Variants in MTHFD1L observed in about 807,000 individuals in gnomAD.
The protein encoded by MTHFD1L is monofunctional C1-tetrahydrofolate synthase, mitochondrial.
A neutral mutation model predicts 119.5 loss-of-function variants in MTHFD1L; 81 were observed. The observed-to-expected ratio is 0.68, with a 90% confidence interval of 0.57 to 0.82. MTHFD1L has a LOEUF of 0.82. Ranked by LOEUF, MTHFD1L falls within the 40% of genes least tolerant of loss-of-function variation. The pLI, the probability that MTHFD1L is intolerant of heterozygous loss-of-function variation, is 0.00. For synonymous variants in MTHFD1L, 430 were observed against 475.2 expected (o/e 0.90, Z 1.24); for missense variants, 1,125 against 1,253.4 (o/e 0.90, Z 1.55).
intron 10 of MTHFD1L, among the ~76,000 whole-genome samples, chr6:150,925,497 T>C (rs905202956): frequency 1.8e-4 from 27 of 152,150 alleles, no homozygotes; most frequent in African/African-American, 6.3e-4. Flanking sequence ...TTCCTACAAT[T>C]TCCTGTCTGA....
At chr6:150,882,511 A>G (rs1004712743) in intron 4 of MTHFD1L, among the ~76,000 whole-genome samples, 12 of 152,196 alleles carry the variant, frequency 7.9e-5, no homozygotes, top group African/African-American at 2.9e-4. Flanking sequence ...GAGTAGAGCC[A>G]TAGAAAGGCA....
intron 16 of MTHFD1L, among the ~76,000 whole-genome samples, chr6:150,951,159 C>G (rs939676676): frequency 6.6e-6 from 1 of 151,202 alleles, no homozygotes; most frequent in East Asian, 2.0e-4. Context: ...GCCTCAGCCT[C>G]CTGAGTAGCT....
chr6:150,916,555 C>G (rs530198083), intron 8 of MTHFD1L, among the ~76,000 whole-genome samples: 2 of 138,950 alleles, frequency 1.4e-5, no homozygotes, highest in Admixed American at 1.5e-4. Context: ...TCTCAAACTC[C>G]TGACCTCAGG....
chr6:151,077,461 G>A (rs912466798), intron 26 of MTHFD1L, among the ~76,000 whole-genome samples: 3 of 152,026 alleles, frequency 2.0e-5, no homozygotes, highest in Non-Finnish European at 4.4e-5. Context: ...TGGTCAACCT[G>A]ATGAAACCCC....
At chr6:150,932,137 G>T (rs1455220341) in intron 11 of MTHFD1L, among the ~76,000 whole-genome samples, 1 of 135,300 alleles carries the variant, frequency 7.4e-6, no homozygotes, top group Non-Finnish European at 1.5e-5. Flanking sequence ...AGTCCAGCCT[G>T]GGCAACAGAG....
At chr6:150,921,269 G>A (rs189114367) in intron 9 of MTHFD1L, among the ~76,000 whole-genome samples, 3 of 150,916 alleles carry the variant, frequency 2.0e-5, no homozygotes, top group African/African-American at 2.4e-5. Context: ...ACAGGCGTGT[G>A]CCACCACACC....
intron 1 of MTHFD1L, among the ~76,000 whole-genome samples, chr6:150,869,762 G>C (rs1198391699): frequency 6.6e-6 from 1 of 152,174 alleles, no homozygotes; most frequent in Non-Finnish European, 1.5e-5. Flanking sequence ...GTGTCAGCTA[G>C]AAGTCACCTG....
intron 13 of MTHFD1L, 152 bp downstream of exon 13, chr6:150,938,897 AGTGAC>A: frequency 2.5e-6 from 2 of 801,574 alleles, no homozygotes; most frequent in Non-Finnish European, 2.1e-6. Flanking sequence ...TAACTCATGC[AGTGAC>A]AAACCCTAGT....
intron 17 of MTHFD1L, among the ~76,000 whole-genome samples, chr6:150,960,006 G>C (rs983659546): frequency 1.3e-5 from 2 of 152,204 alleles, no homozygotes; most frequent in African/African-American, 4.8e-5. Flanking sequence ...GCTGTGAGCG[G>C]GTGTAACAGG....
chr6:150,910,099 T>G (rs1438013753), intron 8 of MTHFD1L, among the ~76,000 whole-genome samples: 1 of 151,660 alleles, frequency 6.6e-6, no homozygotes, highest in African/African-American at 2.4e-5. Flanking sequence ...GAGAATCGCT[T>G]GAATCCAAGA....
chr6:150,965,388 C>T (rs1453493893), intron 19 of MTHFD1L, among the ~76,000 whole-genome samples: 3 of 152,072 alleles, frequency 2.0e-5, no homozygotes, highest in African/African-American at 7.2e-5. Context: ...AGGCCAGGCG[C>T]GGCGGCTCAT....
intron 20 of MTHFD1L, among the ~76,000 whole-genome samples, chr6:150,991,198 A>G (rs943976890): frequency 2.0e-5 from 3 of 152,190 alleles, no homozygotes; most frequent in African/African-American, 7.2e-5. Context: ...TATATTCAAA[A>G]TAAAGATAGA....
At chr6:151,018,009 A>C (rs531119628) in intron 24 of MTHFD1L, among the ~76,000 whole-genome samples, 2 of 151,954 alleles carry the variant, frequency 1.3e-5, no homozygotes, top group South Asian at 4.2e-4. Flanking sequence ...ATTTTTAAGC[A>C]CATGTCGATG....
intron 20 of MTHFD1L, among the ~76,000 whole-genome samples, chr6:150,977,570 G>GGAAA (rs1776766019): frequency 6.6e-6 from 1 of 152,022 alleles, no homozygotes; most frequent in Admixed American, 6.6e-5. Flanking sequence ...TAAAGCAAAA[G>GGAAA]GAAAGAAAGA....
intron 19 of MTHFD1L, 57 bp from the exon 20 acceptor site, chr6:150,971,890 G>T (rs1350918238): frequency 2.0e-6 from 3 of 1,481,354 alleles, no homozygotes; most frequent in Admixed American, 3.5e-5. Context: ...AATTGATCTT[G>T]GTTTCCATGC....
Position 151,012,019 on chromosome 6 carries a change from C to CAAAAAAAA in MTHFD1L, c.2266-1735_2266-1728dup, listed in dbSNP as rs1043831602. 2.4e-4 allele frequency among the ~76,000 whole-genome samples: 14 copies of CAAAAAAAA among 58,814 alleles called. 1 individual carries two copies. Among genetic ancestry groups the CAAAAAAAA allele is most frequent in the Non-Finnish European group, 4.0e-4 (12 of 30,026 alleles). 38.6% of individuals were successfully genotyped at this position (58,814 alleles called of 152,430 possible). A position where few individuals can be genotyped will look rare whatever the true frequency, so the allele number is the denominator to read the frequency against. ...TCCATCTCAACAACAACAACAACAA[C>CAAAAAAAA]AAAAAAAAAAAAAAAAAAAAAAAAA... On this transcript the variant is annotated intron_variant, in intron 21 of 27. Coordinates refer to ENST00000367321, the MANE Select transcript of MTHFD1L (RefSeq NM_015440.5).
At chr6:151,091,524 C>T (rs58013004) in intron 26 of MTHFD1L, among the ~76,000 whole-genome samples, 124 of 152,136 alleles carry the variant, frequency 8.2e-4, no homozygotes, top group African/African-American at 2.8e-3. Context: ...CACAGCAAGG[C>T]GGTGAAGAAC....
At chr6:151,043,531 C>T in intron 26 of MTHFD1L, among the ~76,000 whole-genome samples, 1 of 152,072 alleles carries the variant, frequency 6.6e-6, no homozygotes, top group Non-Finnish European at 1.5e-5. Flanking sequence ...CCATCTCTCA[C>T]AGTGTTTTTT....
chr6:150,912,754 GT>G, intron 8 of MTHFD1L: 1 of 487,042 alleles, frequency 2.1e-6, no homozygotes, highest in South Asian at 1.5e-5. Context: ...AGATGAGAGT[GT>G]TTAGTGGGAA....
Sources: gnomAD v4.1 joint callset for allele counts (sites outside exome capture counted in the v4.1 genomes callset) on GRCh38, gnomAD v4.1.1 for gene constraint, MANE v1.5 for transcripts, NCBI Gene and HGNC (gene_info 2026-07-23, HGNC 2026-07-21) for gene names.